The following TRPM3 variants were observed in gnomAD, a reference collection of about 807,000 sequenced individuals.
TRPM3 encodes transient receptor potential cation channel subfamily M member 3, also known as long transient receptor potential channel 3.
TRPM3 carries 77 observed loss-of-function variants against 181.2 expected under a neutral mutation model. That is an observed-to-expected ratio of 0.42 (90% CI 0.35 to 0.51). TRPM3 has a LOEUF of 0.51. Ranked by LOEUF, TRPM3 falls within the 20% of genes least tolerant of loss-of-function variation. TRPM3 has a pLI of 0.01. For missense variants in TRPM3, 1,759 were observed against 2,196.7 expected, an observed-to-expected ratio of 0.80 and a Z score of 3.98; for synonymous variants, 745 against 796.4, an observed-to-expected ratio of 0.94 and a Z score of 1.09.
chr9:71,182,779 A>G (rs1049574483), intron 1 of TRPM3, among the ~76,000 whole-genome samples: 1 of 152,172 alleles, frequency 6.6e-6, no homozygotes, highest in Non-Finnish European at 1.5e-5. Context: ...CTCCTGCCTC[A>G]GCCTCCTGAG....
intron 1 of TRPM3, among the ~76,000 whole-genome samples, chr9:71,392,105 A>G (rs1311209649): frequency 6.6e-6 from 1 of 152,156 alleles, no homozygotes; most frequent in Non-Finnish European, 1.5e-5. Context: ...AGAAAAGCCA[A>G]TTTAGAAAAT....
intron 17 of TRPM3, among the ~76,000 whole-genome samples, chr9:70,617,747 T>A (rs1440509470): frequency 6.6e-6 from 1 of 152,130 alleles, no homozygotes; most frequent in Non-Finnish European, 1.5e-5. Flanking sequence ...GGTGGATCAC[T>A]TGAGGTCAGG....
intron 1 of TRPM3, among the ~76,000 whole-genome samples, chr9:71,141,283 T>C (rs778656278): frequency 2.0e-5 from 3 of 152,156 alleles, no homozygotes; most frequent in Non-Finnish European, 2.9e-5. Context: ...TATTAATATC[T>C]CTAGCTGGAT....
intron 1 of TRPM3, among the ~76,000 whole-genome samples, chr9:70,961,932 T>A (rs2097140105): frequency 6.6e-6 from 1 of 152,170 alleles, no homozygotes; most frequent in African/African-American, 2.4e-5. Flanking sequence ...GAGACTCTAA[T>A]TTTTTGAATT....
intron 1 of TRPM3, among the ~76,000 whole-genome samples, chr9:71,327,209 G>A (rs2089756118): frequency 6.6e-6 from 1 of 152,222 alleles, no homozygotes; most frequent in African/African-American, 2.4e-5. Flanking sequence ...CTTTAGATTT[G>A]ATTTCAAGTT....
chr9:70,930,481 A>G (rs1182938481), intron 1 of TRPM3, among the ~76,000 whole-genome samples: 2 of 152,190 alleles, frequency 1.3e-5, no homozygotes, highest in Non-Finnish European at 2.9e-5. Flanking sequence ...AAAAAATGTA[A>G]TATGCATATT....
chr9:71,046,608 A>C (rs2059468728), intron 1 of TRPM3, among the ~76,000 whole-genome samples: 1 of 152,042 alleles, frequency 6.6e-6, no homozygotes, highest in Non-Finnish European at 1.5e-5. Flanking sequence ...ATCCTCCCCG[A>C]CCTATCACCC....
intron 9 of TRPM3, among the ~76,000 whole-genome samples, chr9:70,656,167 G>T (rs945916114): frequency 6.6e-6 from 1 of 152,128 alleles, no homozygotes; most frequent in African/African-American, 2.4e-5. Flanking sequence ...ATTTTTGTTT[G>T]CATTTATTAA....
chr9:71,191,549 T>C (rs989498606), intron 1 of TRPM3, among the ~76,000 whole-genome samples: 1 of 151,784 alleles, frequency 6.6e-6, no homozygotes, highest in Non-Finnish European at 1.5e-5. Flanking sequence ...TCATTAATTC[T>C]TAAACTTTGA....
intron 1 of TRPM3, among the ~76,000 whole-genome samples, chr9:71,242,851 C>A (rs2081796721): frequency 6.6e-6 from 1 of 152,010 alleles, no homozygotes; most frequent in South Asian, 2.1e-4. Context: ...CTGCTTACAA[C>A]CTTCCAAGGA....
chr9:71,104,465 T>C (rs1452644183), intron 1 of TRPM3, among the ~76,000 whole-genome samples: 2 of 152,194 alleles, frequency 1.3e-5, no homozygotes, highest in Non-Finnish European at 2.9e-5. Flanking sequence ...GAACTATAGG[T>C]GCATTAACTT....
chr9:71,203,007 A>G (rs1316362135), intron 1 of TRPM3, among the ~76,000 whole-genome samples: 1 of 152,250 alleles, frequency 6.6e-6, no homozygotes, highest in Non-Finnish European at 1.5e-5. Context: ...GCATTCCCAC[A>G]GCACTGACTG....
chr9:71,274,869 A>G (rs557250364), intron 1 of TRPM3, among the ~76,000 whole-genome samples: 2 of 152,310 alleles, frequency 1.3e-5, no homozygotes, highest in South Asian at 2.1e-4. Context: ...CAGTGATTTA[A>G]CTAATTTCTT....
At chr9:71,309,283 C>T (rs1004192835) in intron 1 of TRPM3, among the ~76,000 whole-genome samples, 1 of 152,074 alleles carries the variant, frequency 6.6e-6, no homozygotes, top group Non-Finnish European at 1.5e-5. Flanking sequence ...ATTTTTGTTT[C>T]GTATTCATGG....
chr9:71,441,628 G>C (rs147579140), intron 1 of TRPM3, among the ~76,000 whole-genome samples: 1 of 144,822 alleles, frequency 6.9e-6, no homozygotes. Context: ...CCTTTGACTC[G>C]GCTTTTTTTT....
At chr9:70,896,428 C>T (rs1428659415) in intron 1 of TRPM3, among the ~76,000 whole-genome samples, 1 of 152,144 alleles carries the variant, frequency 6.6e-6, no homozygotes, top group Admixed American at 6.5e-5. Context: ...GAATTTTCTA[C>T]TTCAGCTGCA....
intron 1 of TRPM3, among the ~76,000 whole-genome samples, chr9:71,055,376 T>C (rs1268621673): frequency 6.6e-6 from 1 of 152,024 alleles, no homozygotes; most frequent in African/African-American, 2.4e-5. Context: ...GATAATAAGA[T>C]GGAGGAAATT....
Position 70,534,646 on chromosome 9 carries a change from A to G in TRPM3, c.*1307T>C, listed in dbSNP as rs1313661441. ...TGTCTATAAGAAAAATATTCATGGT[A>G]TGCTTGCAACTGATGGCTTTGGGTT... On this transcript the variant is annotated 3_prime_UTR_variant, in exon 26 of 26. Transcript: ENST00000677713. 1 of 152,204 alleles carries G rather than the reference A, an allele frequency of 6.6e-6. No individual in the cohort carries two copies. 9.4% of individuals were successfully genotyped at this position (152,204 alleles called of 1,614,324 possible).
chr9:70,949,213 T>A (rs76971742), intron 1 of TRPM3, among the ~76,000 whole-genome samples: 66,878 of 151,554 alleles, frequency 0.44, 14,969 homozygotes, highest in Admixed American at 0.47. Context: ...TAGTCTTTTT[T>A]TTTTAATTTT....
Sources: allele counts gnomAD v4.1 joint callset (sites outside exome capture counted in the v4.1 genomes callset), GRCh38; gene constraint gnomAD v4.1.1; transcripts MANE v1.5; gene names NCBI Gene and HGNC (gene_info 2026-07-23, HGNC 2026-07-21).